LRRC75A: variants seen among roughly 807,000 people sequenced by gnomAD.
LRRC75A encodes the protein leucine rich repeat containing 75A.
A neutral mutation model predicts 26.0 loss-of-function variants in LRRC75A; 12 were observed. That is an observed-to-expected ratio of 0.46 (90% CI 0.30 to 0.75). The LOEUF (loss-of-function observed/expected upper bound fraction) is 0.75. Ranked by LOEUF, LRRC75A falls within the 30% of genes least tolerant of loss-of-function variation. The pLI is 0.08. For missense variants in LRRC75A, 410 were observed against 486.6 expected, an observed-to-expected ratio of 0.84 and a Z score of 1.48; for synonymous variants, 223 against 219.3, an observed-to-expected ratio of 1.02 and a Z score of -0.15.
chr17:16,479,724 C>T (rs2093829264), intron 1 of LRRC75A, among the ~76,000 whole-genome samples: 1 of 152,262 alleles, frequency 6.6e-6, no homozygotes, highest in Non-Finnish European at 1.5e-5. Context: ...AGGCAGCGAG[C>T]TCATGAAGCT....
intron 2 of LRRC75A, among the ~76,000 whole-genome samples, chr17:16,455,986 G>A (rs1053807055): frequency 6.6e-6 from 1 of 151,606 alleles, no homozygotes; most frequent in African/African-American, 2.4e-5. Context: ...CCCTCCTGCA[G>A]AGAACAGGAC....
intron 1 of LRRC75A, among the ~76,000 whole-genome samples, chr17:16,480,566 T>C (rs1448656597): frequency 4.7e-5 from 7 of 147,682 alleles, no homozygotes; most frequent in Admixed American, 1.4e-4. Context: ...GAGGTGGAGG[T>C]TGCAGTGAGC....
At position 16,462,400 on chromosome 17, in the gene LRRC75A, G is replaced by A; in HGVS notation, c.247-14C>T. ...CATGCCCAGGTCCTGCAAGAGCAAA[G>A]GATGCCCAGAGGTCAGGGCTGGCTG... is the stretch of plus-strand genomic sequence containing the variant. On this transcript the variant is annotated splice_polypyrimidine_tract_variant and intron_variant, in intron 1 of 3. Transcript: ENST00000470794. This position sits in a 1 kb window ranked among gnomAD's most constrained non-coding sequence, Gnocchi z 4.6. 1 of 1,613,674 alleles carries A rather than the reference G, an allele frequency of 6.2e-7. No homozygotes were observed. Among genetic ancestry groups the A allele is most frequent in the Non-Finnish European group, 8.5e-7 (1 of 1,179,980 alleles).
chr17:16,459,606 C>A (rs2143074464), intron 2 of LRRC75A, among the ~76,000 whole-genome samples: 1 of 152,338 alleles, frequency 6.6e-6, no homozygotes, highest in South Asian at 2.1e-4. Context: ...CAGCCCCTCA[C>A]TAAAGGATGT....
intron 1 of LRRC75A, among the ~76,000 whole-genome samples, chr17:16,482,471 C>A (rs1160644971): frequency 6.6e-6 from 1 of 152,146 alleles, no homozygotes; most frequent in African/African-American, 2.4e-5. Context: ...GCCAAGTGGG[C>A]AGGAGAGGGA....
At chr17:16,444,175 G>A in intron 3 of LRRC75A, 44 bp from the exon 4 acceptor site, 1 of 1,479,280 alleles carries the variant, frequency 6.8e-7, no homozygotes, top group East Asian at 2.3e-5. Context: ...CATAGGGCAG[G>A]CCTTTCCCCC....
At chr17:16,473,697 G>T (rs1016673890) in intron 1 of LRRC75A, among the ~76,000 whole-genome samples, 3 of 152,192 alleles carry the variant, frequency 2.0e-5, no homozygotes, top group African/African-American at 7.2e-5. Context: ...TAAAGACTGG[G>T]GTTCTCTGGT....
intron 2 of LRRC75A, among the ~76,000 whole-genome samples, chr17:16,454,605 C>T (rs7215692): frequency 0.38 from 57,486 of 151,012 alleles, 11,199 homozygotes; most frequent in African/African-American, 0.4. Flanking sequence ...GCAGGAGAAT[C>T]GCGTGAACCC....
chr17:16,454,053 G>A (rs775390803), intron 2 of LRRC75A, among the ~76,000 whole-genome samples: 3 of 152,118 alleles, frequency 2.0e-5, no homozygotes, highest in Non-Finnish European at 4.4e-5. Flanking sequence ...TTGTCCAATC[G>A]CATTTCTACA....
chr17:16,475,790 T>C (rs1009767797), intron 1 of LRRC75A, among the ~76,000 whole-genome samples: 4 of 152,156 alleles, frequency 2.6e-5, no homozygotes, highest in African/African-American at 9.7e-5. Flanking sequence ...TTCACGACTA[T>C]AATCCCAGCA....
At chr17:16,474,171 T>A (rs200143525) in intron 1 of LRRC75A, among the ~76,000 whole-genome samples, 1 of 151,870 alleles carries the variant, frequency 6.6e-6, no homozygotes, top group Non-Finnish European at 1.5e-5. Context: ...TGGCTGACGG[T>A]GGGGGACAGA....
At chr17:16,469,533 A>G (rs1304015529) in intron 1 of LRRC75A, among the ~76,000 whole-genome samples, 1 of 152,142 alleles carries the variant, frequency 6.6e-6, no homozygotes, top group African/African-American at 2.4e-5. Context: ...CCTTGTCCCC[A>G]TGACGGCCTC....
At chr17:16,488,913 C>T (rs1370626624) in intron 1 of LRRC75A, among the ~76,000 whole-genome samples, 1 of 152,128 alleles carries the variant, frequency 6.6e-6, no homozygotes, top group Non-Finnish European at 1.5e-5. Flanking sequence ...CGTGAACTGC[C>T]ACACATGCAC....
At chr17:16,452,680 C>T (rs972071415) in intron 2 of LRRC75A, among the ~76,000 whole-genome samples, 1 of 151,944 alleles carries the variant, frequency 6.6e-6, no homozygotes. Context: ...GTGATCTGCC[C>T]GCCTCAGCCT....
intron 2 of LRRC75A, among the ~76,000 whole-genome samples, chr17:16,451,580 C>T (rs2093630970): frequency 6.7e-6 from 1 of 150,168 alleles, no homozygotes; most frequent in Admixed American, 6.6e-5. Context: ...CGAGATCGCA[C>T]CACTGCACTC....
chr17:16,453,306 ACACACGCACACACGCACACACG>A (rs1391266743), intron 2 of LRRC75A, among the ~76,000 whole-genome samples: 75 of 70,648 alleles, frequency 1.1e-3, no homozygotes, highest in African/African-American at 2.2e-3. Context: ...AAACACACAC[ACACACGCACACACGCACACACG>A]CACACGCACA....
At position 16,447,943 on chromosome 17, in the gene LRRC75A, G is replaced by T; in HGVS notation, c.393C>A (p.Gly131=). The T allele has an allele frequency of 1.3e-6, 2 of 1,551,010 alleles. No homozygotes were observed. Among genetic ancestry groups the T allele is most frequent in the Non-Finnish European group, 1.7e-6 (2 of 1,146,902 alleles). The change falls in exon 3 of 4, where the codon GGC becomes GGA. Residue 131 remains glycine, a synonymous_variant. Coordinates refer to ENST00000470794, the MANE Select transcript of LRRC75A (RefSeq NM_001113567.3). The part of the protein sequence containing the change: ...HCPKPEGDAL[G]AMEKLCRQLT... The stretch of plus-strand genomic sequence containing the variant: ...GCTGCCGGCACAGCTTCTCCATGGC[G>T]CCCAGTGCATCGCCTTCCTGCAGAG...
intron 1 of LRRC75A, among the ~76,000 whole-genome samples, chr17:16,476,825 G>A (rs977490336): frequency 5.8e-5 from 8 of 138,774 alleles, no homozygotes; most frequent in African/African-American, 1.6e-4. Context: ...TGCAAGCTCC[G>A]CCTCCCGGGT....
intron 1 of LRRC75A, among the ~76,000 whole-genome samples, chr17:16,481,004 C>A (rs910962813): frequency 6.6e-6 from 1 of 152,234 alleles, no homozygotes; most frequent in Non-Finnish European, 1.5e-5. Context: ...GGGCTGTGTG[C>A]GCCTCTGTCA....
Sources: allele counts gnomAD v4.1 joint callset (sites outside exome capture counted in the v4.1 genomes callset), GRCh38; gene constraint gnomAD v4.1.1; non-coding constraint Gnocchi (gnomAD v3.1); transcripts MANE v1.5; gene names NCBI Gene and HGNC (gene_info 2026-07-23, HGNC 2026-07-21).